Variants in ATF3 observed in about 807,000 individuals in gnomAD.
ATF3 encodes the protein cyclic AMP-dependent transcription factor ATF-3.
In ATF3, 10 loss-of-function variants were observed where a neutral mutation model predicts 18.4. That is an observed-to-expected ratio of 0.54 (90% confidence interval 0.34 to 0.92). The LOEUF (loss-of-function observed/expected upper bound fraction) is 0.92. Ranked by LOEUF, ATF3 falls within the 40% of genes least tolerant of loss-of-function variation. ATF3 has a pLI of 0.02. For missense variants in ATF3, 183 were observed against 222.3 expected (o/e 0.82, Z 1.12); for synonymous variants, 78 against 87.9 (o/e 0.89, Z 0.63).
intron 1 of ATF3, among the ~76,000 whole-genome samples, chr1:212,567,131 G>A (rs1409734705): frequency 6.6e-6 from 1 of 151,828 alleles, no homozygotes; most frequent in East Asian, 1.9e-4. Context: ...CCACAGAAAG[G>A]GGTTTTCTTT....
At chr1:212,584,774 G>T (rs990646036) in intron 1 of ATF3, among the ~76,000 whole-genome samples, 2 of 152,196 alleles carry the variant, frequency 1.3e-5, no homozygotes, top group African/African-American at 4.8e-5. Context: ...TTATAAAGTT[G>T]TCCCTCACTT....
chr1:212,610,393 G>A (rs1296397150), intron 1 of ATF3, among the ~76,000 whole-genome samples: 1 of 152,132 alleles, frequency 6.6e-6, no homozygotes, highest in Admixed American at 6.5e-5. Flanking sequence ...CAAAAAATTG[G>A]TATTACTGTC....
intron 1 of ATF3, among the ~76,000 whole-genome samples, chr1:212,587,808 T>C (rs1481332206): frequency 6.6e-6 from 1 of 152,118 alleles, no homozygotes; most frequent in African/African-American, 2.4e-5. Flanking sequence ...AAATGAATTA[T>C]CTTAAAGGAC....
chr1:212,581,963 G>A (rs1368338972), intron 1 of ATF3, among the ~76,000 whole-genome samples: 1 of 152,164 alleles, frequency 6.6e-6, no homozygotes. Flanking sequence ...TTCATAACAA[G>A]CACATTGGTT....
chr1:212,584,312 C>A (rs1664738361), intron 1 of ATF3, among the ~76,000 whole-genome samples: 1 of 152,032 alleles, frequency 6.6e-6, no homozygotes, highest in Admixed American at 6.6e-5. Context: ...CAATAAGATG[C>A]ATGTGTATAA....
At chr1:212,565,796 G>T (rs1440060015) in intron 1 of ATF3, among the ~76,000 whole-genome samples, 1 of 152,182 alleles carries the variant, frequency 6.6e-6, no homozygotes, top group Non-Finnish European at 1.5e-5. Context: ...CAGTGAGGCA[G>T]CGATGCCATC....
chr1:212,618,947 G>T lies in ATF3; in HGVS notation c.349-411G>T. 2 of 1,482,590 alleles carry T rather than the reference G, an allele frequency of 1.3e-6. No homozygotes were observed. Among genetic ancestry groups the T allele is most frequent in the East Asian group, 4.5e-5 (2 of 44,066 alleles). The allele number at this position is 1,482,590 out of a possible 1,614,324, so 91.8% of individuals were successfully genotyped here. On this transcript the variant is annotated intron_variant, in intron 3 of 3. Coordinates refer to ENST00000341491, the MANE Select transcript of ATF3 (RefSeq NM_001674.4). This position sits in a 1 kb window ranked among gnomAD's most constrained non-coding sequence, Gnocchi z 4.4. ...GGATCAGTGAAAATTAGGGAATTTT[G>T]TGTGTTGCTATATACATTTTTTCTG...
At chr1:212,608,207 C>T (rs1654704358), upstream of ATF3, among the ~76,000 whole-genome samples, 1 of 152,222 alleles carries the variant, frequency 6.6e-6, no homozygotes, top group Non-Finnish European at 1.5e-5. Context: ...AGTAGGAGGC[C>T]AGTGGGGGAG....
intron 1 of ATF3, among the ~76,000 whole-genome samples, chr1:212,600,161 T>C (rs1654441426): frequency 6.6e-6 from 1 of 152,228 alleles, no homozygotes; most frequent in South Asian, 2.1e-4. Context: ...TGACCAGTGT[T>C]GCAGCCTCCT....
intron 1 of ATF3, among the ~76,000 whole-genome samples, chr1:212,565,944 A>T (rs1156257562): frequency 1.3e-5 from 2 of 152,098 alleles, no homozygotes; most frequent in Admixed American, 6.5e-5. Flanking sequence ...CTCCTCCTTG[A>T]CATTCCTGCC....
intron 1 of ATF3, among the ~76,000 whole-genome samples, chr1:212,568,733 A>G (rs1230889646): frequency 6.6e-6 from 1 of 152,150 alleles, no homozygotes; most frequent in Non-Finnish European, 1.5e-5. Flanking sequence ...CGATTCTCCG[A>G]TGGGGGTAAA....
rs1655229955 is a variant in ATF3, at chr1:212,618,491, C to T, written c.348+257C>T. The T allele has an allele frequency of 2.0e-6, 1 of 505,356 alleles. No individual in the cohort carries two copies. Among genetic ancestry groups the T allele is most frequent in the Non-Finnish European group, 3.6e-6 (1 of 278,474 alleles). The allele number at this position is 505,356 out of a possible 1,614,324, so 31.3% of individuals were successfully genotyped here. A position where few individuals can be genotyped will look rare whatever the true frequency, so the allele number is the denominator to read the frequency against. On this transcript the variant is annotated intron_variant, in intron 3 of 3. Transcript: ENST00000341491. This position sits in a 1 kb window ranked among gnomAD's most constrained non-coding sequence, Gnocchi z 4.4. ...TGACTCCCAGCAGCCTCGGCCGGTTCATACATGTCCATCAGCTTCCAGGCT... is the reference window on the plus strand; with the variant it reads ...TGACTCCCAGCAGCCTCGGCCGGTTTATACATGTCCATCAGCTTCCAGGCT...
intron 1 of ATF3, among the ~76,000 whole-genome samples, chr1:212,572,363 T>A (rs1214941332): frequency 6.6e-6 from 1 of 151,808 alleles, no homozygotes; most frequent in Non-Finnish European, 1.5e-5. Context: ...ACTAAAAATA[T>A]AAAATTAGCT....
chr1:212,586,947 C>G (rs12739468), intron 1 of ATF3, among the ~76,000 whole-genome samples: 17,925 of 152,182 alleles, frequency 0.12, 1,997 homozygotes, highest in African/African-American at 0.3. Flanking sequence ...GTGAAAGTGA[C>G]GCTGGGCTGG....
chr1:212,612,647 T>A (rs933897686), intron 1 of ATF3, among the ~76,000 whole-genome samples: 1 of 152,224 alleles, frequency 6.6e-6, no homozygotes, highest in African/African-American at 2.4e-5. Context: ...GAACTTCAGT[T>A]CTGACTCATG....
chr1:212,601,486 G>A (rs964052916), intron 1 of ATF3, among the ~76,000 whole-genome samples: 1 of 152,194 alleles, frequency 6.6e-6, no homozygotes, highest in Non-Finnish European at 1.5e-5. Context: ...AGATTTTGAG[G>A]ACAGTATCGC....
intron 2 of ATF3, among the ~76,000 whole-genome samples, chr1:212,616,504 G>T (rs1655133330): frequency 6.6e-6 from 1 of 152,068 alleles, no homozygotes; most frequent in African/African-American, 2.4e-5. Flanking sequence ...CTCCATGTTG[G>T]CCAGGCTGGT....
rs149494033 is a variant in ATF3 at position 212,599,952 on chromosome 1, C to T, written c.-4-15066C>T. On this transcript the variant is annotated intron_variant, in intron 1 of 3. Transcript: ENST00000366981. Reference sequence around the variant, plus strand: ...TAGGGTACCTGTAATGGGGAGGGCCCCCGAAAGTGAGGGAAGCTCAGTTTT... The same window carrying T: ...TAGGGTACCTGTAATGGGGAGGGCCTCCGAAAGTGAGGGAAGCTCAGTTTT... Among the ~76,000 whole-genome samples the T allele has an allele frequency of 4.5e-3, 680 of 152,300 alleles. 6 individuals carry two copies. The highest frequency in any genetic ancestry group is 0.015 in the African/African-American group (603 of 41,564).
At chr1:212,590,876 G>A (rs916500889) in intron 1 of ATF3, among the ~76,000 whole-genome samples, 1 of 152,144 alleles carries the variant, frequency 6.6e-6, no homozygotes, top group African/African-American at 2.4e-5. Context: ...AGGTAAGGGC[G>A]CCAACCACTT....
Sources: allele counts gnomAD v4.1 joint callset (sites outside exome capture counted in the v4.1 genomes callset), GRCh38; gene constraint gnomAD v4.1.1; non-coding constraint Gnocchi (gnomAD v3.1); transcripts MANE v1.5; gene names NCBI Gene and HGNC (gene_info 2026-07-23, HGNC 2026-07-21).